PCDHGB3: variants seen among roughly 807,000 people sequenced by gnomAD.
PCDHGB3 encodes the protein protocadherin gamma-B3.
A neutral mutation model predicts 59.2 loss-of-function variants in PCDHGB3; 40 were observed. The observed-to-expected ratio is 0.68, with a 90% CI of 0.52 to 0.88. The LOEUF (loss-of-function observed/expected upper bound fraction) is 0.88, where lower values mean the gene tolerates loss of function less well. PCDHGB3 is among the 40% of genes least tolerant of loss of function. PCDHGB3 has a pLI of 0.00. For synonymous variants in PCDHGB3, 581 were observed against 503.6 expected, an observed-to-expected ratio of 1.15 and a Z score of -2.06; for missense variants, 1,309 against 1,187.9, an observed-to-expected ratio of 1.10 and a Z score of -1.50.
At chr5:141,385,189 C>A (rs368141492) in intron 1 of PCDHGB3, 696 of 1,614,224 alleles carry the variant, frequency 4.3e-4, no homozygotes, top group Non-Finnish European at 5.4e-4. Flanking sequence ...CGCGGACTCT[C>A]GGAAGAGTCA....
At chr5:141,480,948 G>C (rs1288557779) in intron 1 of PCDHGB3, among the ~76,000 whole-genome samples, 1 of 152,138 alleles carries the variant, frequency 6.6e-6, no homozygotes, top group Non-Finnish European at 1.5e-5. Context: ...TAGAGGCTGA[G>C]GCGGAAGCAT....
intron 1 of PCDHGB3, among the ~76,000 whole-genome samples, chr5:141,469,449 C>A (rs1017174114): frequency 2.0e-5 from 3 of 151,846 alleles, no homozygotes; most frequent in African/African-American, 7.3e-5. Context: ...GTGGTGCACA[C>A]CTGTAGTCTC....
In PCDHGB3 at chr5:141,404,391, A is replaced by T. The variant is rs773558298; in HGVS notation, c.2415+31582A>T. On this transcript the variant is annotated intron_variant, in intron 1 of 3. Transcript: ENST00000576222. ...TTCTCCGTGATTGCCTATGACCCTG[A>T]TAGCAATGAGAATTCTAGAGTTATT... 3.7e-6 allele frequency: 6 copies of T among 1,613,806 alleles called. No homozygotes were observed. Among genetic ancestry groups the T allele is most frequent in the Non-Finnish European group, 5.1e-6 (6 of 1,179,894 alleles).
rs1476081470 is a variant in PCDHGB3, at chr5:141,432,757, C to G, written c.2415+59948C>G. 2.5e-6 allele frequency: 4 copies of G among 1,614,150 alleles called. No homozygotes were observed. The highest frequency in any genetic ancestry group is 1.3e-5 in the African/African-American group (1 of 75,076). ...TCACGCTCACCGTGGCCGTGGCCGA[C>G]AGCATCCCCCAAGTCCTGGCGGACC... On this transcript the variant is annotated intron_variant, in intron 1 of 3. Coordinates refer to ENST00000576222, the MANE Select transcript of PCDHGB3 (RefSeq NM_018924.5). This position sits in a 1 kb window ranked among gnomAD's most constrained non-coding sequence, Gnocchi z 6.0.
intron 1 of PCDHGB3, among the ~76,000 whole-genome samples, chr5:141,473,017 AGAAG>A (rs1484773075): frequency 7.0e-4 from 107 of 151,874 alleles, no homozygotes; most frequent in Middle Eastern, 3.4e-3. Flanking sequence ...AGAAAAAGAA[AGAAG>A]GAAGGAAGGA....
At position 141,460,338 on chromosome 5, in the gene PCDHGB3, T is replaced by C. The variant is rs1180912204; in HGVS notation, c.2416-34469T>C. Among the ~76,000 whole-genome samples, 4 of 152,222 alleles carry C rather than the reference T, an allele frequency of 2.6e-5. No homozygotes were observed. The East Asian group carries it at 7.7e-4, about 29-fold the overall frequency. On this transcript the variant is annotated intron_variant, in intron 1 of 3. Transcript: ENST00000576222. ...GCCTACTGAAAACTTATGATGATTT[T>C]CTCCTATATTTTCTTTTAGAAGTTT...
At chr5:141,430,782 G>A (rs1220976669) in intron 1 of PCDHGB3, 2 of 1,510,858 alleles carry the variant, frequency 1.3e-6, no homozygotes, top group Non-Finnish European at 1.8e-6. Flanking sequence ...CGACTGCACC[G>A]GGACTACAAA....
At position 141,383,491 on chromosome 5, in the gene PCDHGB3, C is replaced by T. The variant is rs116533786; in HGVS notation, c.2415+10682C>T. The T allele has an allele frequency of 1.9e-6, 3 of 1,613,000 alleles. No individual in the cohort carries two copies. The highest frequency in any genetic ancestry group is 2.5e-6 in the Non-Finnish European group (3 of 1,179,496). On this transcript the variant is annotated intron_variant, in intron 1 of 3. Coordinates refer to ENST00000576222, the MANE Select transcript of PCDHGB3 (RefSeq NM_018924.5). Reference sequence around the variant, plus strand: ...TAAGTACCCGGAACTGGTGCTGGAGCGGGTGCTGGACCGGGAGGAAGAGCG... The same window carrying T: ...TAAGTACCCGGAACTGGTGCTGGAGTGGGTGCTGGACCGGGAGGAAGAGCG...
chr5:141,475,708 C>G (rs2099367415), intron 1 of PCDHGB3, among the ~76,000 whole-genome samples: 1 of 152,238 alleles, frequency 6.6e-6, no homozygotes, highest in African/African-American at 2.4e-5. Flanking sequence ...AACGGCTAGC[C>G]TCACAGCCCC....
chr5:141,403,079 T>A (rs770770660), intron 1 of PCDHGB3: 1 of 1,614,064 alleles, frequency 6.2e-7, no homozygotes, highest in East Asian at 2.2e-5. Context: ...AGAAAAGGGC[T>A]ATATTGTGGG....
intron 1 of PCDHGB3, chr5:141,478,378 G>A (rs1454112813): frequency 6.2e-7 from 1 of 1,613,558 alleles, no homozygotes; most frequent in Admixed American, 1.7e-5. Context: ...TGATGTCGCC[G>A]CACCTTTACC....
chr5:141,403,612 G>C (rs1314297922), intron 1 of PCDHGB3: 9 of 1,613,736 alleles, frequency 5.6e-6, no homozygotes, highest in African/African-American at 1.3e-5. Flanking sequence ...GCGGCGAGCC[G>C]CGTCGCTCCA....
intron 1 of PCDHGB3, among the ~76,000 whole-genome samples, chr5:141,455,576 G>T (rs752051075): frequency 1.3e-5 from 2 of 152,154 alleles, no homozygotes; most frequent in Non-Finnish European, 2.9e-5. Flanking sequence ...TCCCACCCCA[G>T]CCTTTTAATA....
chr5:141,374,172 A>C (rs1770228418), intron 1 of PCDHGB3: 1 of 1,613,448 alleles, frequency 6.2e-7, no homozygotes, highest in Non-Finnish European at 8.5e-7. Context: ...GCGGCAGCGC[A>C]GATCCGCTAC....
At chr5:141,380,054 C>T (rs1441784259) in intron 1 of PCDHGB3, among the ~76,000 whole-genome samples, 1 of 151,916 alleles carries the variant, frequency 6.6e-6, no homozygotes, top group South Asian at 2.1e-4. Flanking sequence ...TGCATGCCAC[C>T]ATGCCTAGCT....
intron 2 of PCDHGB3, among the ~76,000 whole-genome samples, chr5:141,502,048 ACTTTATTCC>A (rs1055762924): frequency 6.6e-5 from 10 of 151,746 alleles, no homozygotes; most frequent in African/African-American, 2.4e-4. Context: ...TGCTCTCCCT[ACTTTATTCC>A]CATTAGCCCC....
chr5:141,420,477 A>T (rs1469261817), intron 1 of PCDHGB3: 3 of 626,262 alleles, frequency 4.8e-6, no homozygotes, highest in Non-Finnish European at 7.0e-6. Flanking sequence ...TTTAAAGCAA[A>T]CTACATGGGT....
chr5:141,478,499 G>A (rs77463374), intron 1 of PCDHGB3: 18 of 1,612,728 alleles, frequency 1.1e-5, no homozygotes, highest in African/African-American at 2.7e-5. Context: ...CTGTGATCCG[G>A]TGTTCTATAG....
chr5:141,425,559 G>A (rs1180113940), intron 1 of PCDHGB3, among the ~76,000 whole-genome samples: 2 of 152,176 alleles, frequency 1.3e-5, no homozygotes, highest in East Asian at 3.9e-4. Context: ...TCTTTTATAA[G>A]TGATAAGAAG....
Sources: allele counts gnomAD v4.1 joint callset (sites outside exome capture counted in the v4.1 genomes callset), GRCh38; gene constraint gnomAD v4.1.1; non-coding constraint Gnocchi (gnomAD v3.1); transcripts MANE v1.5; gene names NCBI Gene and HGNC (gene_info 2026-07-23, HGNC 2026-07-21).